COL4A6: variants seen among roughly 807,000 people sequenced by gnomAD.
COL4A6 encodes the protein collagen type IV alpha 6 chain.
A neutral mutation model predicts 126.7 loss-of-function variants in COL4A6; 59 were observed. The observed-to-expected ratio is 0.47, with a 90% CI of 0.38 to 0.58. The LOEUF (loss-of-function observed/expected upper bound fraction) is 0.58. Among genes scored for constraint, COL4A6 ranks in the 20% least tolerant of loss-of-function variants. The pLI is 0.00. For synonymous variants in COL4A6, 547 were observed against 496.6 expected (o/e 1.10, Z -1.35); for missense variants, 1,285 against 1,337.3 (o/e 0.96, Z 0.61).
intron 14 of COL4A6, among the ~76,000 whole-genome samples, chrX:108,195,910 C>G (rs1414854249): frequency 8.9e-6 from 1 of 111,940 alleles, no homozygotes; most frequent in Non-Finnish European, 1.9e-5. Context: ...CTTAACAACA[C>G]AATTCTCTAA....
At chrX:108,413,404 A>G (rs1294444101) in intron 2 of COL4A6, among the ~76,000 whole-genome samples, 4 of 111,887 alleles carry the variant, frequency 3.6e-5, no homozygotes, top group African/African-American at 1.3e-4. Flanking sequence ...AGGATCCAAA[A>G]GGAAAAGATA....
chrX:108,269,100 T>G (rs935082650), intron 3 of COL4A6: 17 of 338,748 alleles, frequency 5.0e-5, no homozygotes, highest in African/African-American at 4.5e-4. Context: ...AGGCAGAACC[T>G]CACTGAAATG....
chrX:108,205,338 C>T (rs1399982223), intron 11 of COL4A6, 101 bp downstream of exon 11: 12 of 707,999 alleles, frequency 1.7e-5, no homozygotes, highest in Admixed American at 4.9e-5. Flanking sequence ...TTTCCCAAGG[C>T]GAAAAAACAA....
At chrX:108,278,147 C>A (rs1213447206) in intron 3 of COL4A6, among the ~76,000 whole-genome samples, 8 of 112,119 alleles carry the variant, frequency 7.1e-5, no homozygotes, top group African/African-American at 2.6e-4. Flanking sequence ...ACGGAGAATG[C>A]CTTTGACGAG....
chrX:108,371,206 GT>G lies in COL4A6; in HGVS notation c.64-60379del, dbSNP rs748162636. Among the ~76,000 whole-genome samples the G allele has an allele frequency of 1.2e-4, 13 of 107,075 alleles. 1 individual carries two copies. In the Middle Eastern group the frequency reaches 0.019, roughly 158 times the overall value. 93.0% of individuals were successfully genotyped at this position (107,075 alleles called of 115,157 possible). On this transcript the variant is annotated intron_variant, in intron 2 of 44. Transcript: ENST00000334504. ...TCCTTTTTAAAATAACATCTATTGTGTTTTTTTTAATATAGAAAAGCATCAA... is the reference window on the plus strand; with the variant it reads ...TCCTTTTTAAAATAACATCTATTGTGTTTTTTTAATATAGAAAAGCATCAA...
At chrX:108,404,514 A>T (rs1259314923) in intron 2 of COL4A6, among the ~76,000 whole-genome samples, 1 of 111,849 alleles carries the variant, frequency 8.9e-6, no homozygotes, top group Admixed American at 9.5e-5. Context: ...ATCCTTTAGG[A>T]ATGCTAATTT....
chrX:108,359,477 C>A (rs770587886), intron 2 of COL4A6, among the ~76,000 whole-genome samples: 4 of 112,852 alleles, frequency 3.5e-5, no homozygotes, highest in Non-Finnish European at 5.6e-5. Flanking sequence ...ACTGTCTACA[C>A]TATTCCTGTA....
intron 18 of COL4A6, among the ~76,000 whole-genome samples, chrX:108,192,092 T>C (rs1355776598): frequency 8.9e-6 from 1 of 111,795 alleles, no homozygotes; most frequent in Non-Finnish European, 1.9e-5. Flanking sequence ...AGCAAGGTTC[T>C]GGGTACAAAT....
intron 5 of COL4A6, among the ~76,000 whole-genome samples, chrX:108,215,483 T>C (rs1008534031): frequency 1.2e-4 from 9 of 73,532 alleles, no homozygotes; most frequent in Admixed American, 5.7e-4. Flanking sequence ...TTGTTTGCCC[T>C]GAAGATCTAC....
intron 2 of COL4A6, among the ~76,000 whole-genome samples, chrX:108,371,570 T>G (rs1361321832): frequency 2.1e-5 from 2 of 94,558 alleles, no homozygotes; most frequent in Non-Finnish European, 4.1e-5. Flanking sequence ...ATACTCTGTC[T>G]CTATAAAAAA....
At chrX:108,175,260 G>C (rs1463873696) in intron 29 of COL4A6, 45 bp from the exon 30 acceptor site, 6 of 1,124,230 alleles carry the variant, frequency 5.3e-6, no homozygotes, top group Non-Finnish European at 7.0e-6. Context: ...TTAGACGCAG[G>C]GTCAGGCAAA....
chrX:108,359,319 C>T (rs1004525297), intron 2 of COL4A6, among the ~76,000 whole-genome samples: 2 of 112,428 alleles, frequency 1.8e-5, no homozygotes, highest in East Asian at 2.8e-4. Flanking sequence ...TAATCAGTGA[C>T]GGGAGCTAAG....
chrX:108,437,872 A>T lies in COL4A6; in HGVS notation c.63+70T>A, dbSNP rs2064296302. 11 of 1,138,494 alleles carry T rather than the reference A, an allele frequency of 9.7e-6. No homozygotes were observed. The South Asian group carries it at 1.8e-4, about 19-fold the overall frequency. 93.8% of individuals were successfully genotyped at this position (1,138,494 alleles called of 1,213,427 possible). A position where few individuals can be genotyped will look rare whatever the true frequency, so the allele number is the denominator to read the frequency against. On this transcript the variant is annotated intron_variant, in intron 2 of 44. Transcript: ENST00000334504. ...AAACTCTCTGCAACCCCCTAACATAAATACTAGAGATGGGGATGGTTAGAG... is the reference window on the plus strand; with the variant it reads ...AAACTCTCTGCAACCCCCTAACATATATACTAGAGATGGGGATGGTTAGAG...
intron 2 of COL4A6, among the ~76,000 whole-genome samples, chrX:108,431,875 A>T (rs749919017): frequency 2.7e-5 from 3 of 112,073 alleles, no homozygotes; most frequent in Non-Finnish European, 5.6e-5. Context: ...GTTGCGTTGG[A>T]CATCAGAAAT....
At chrX:108,171,569 G>C (rs2034305229) in intron 32 of COL4A6, 108 bp from the exon 33 acceptor site, 1 of 619,174 alleles carries the variant, frequency 1.6e-6, no homozygotes, top group Admixed American at 3.7e-5. Context: ...TGTAGCCAGA[G>C]GAGCTCCTTG....
intron 3 of COL4A6, among the ~76,000 whole-genome samples, chrX:108,244,552 C>A (rs766050940): frequency 5.4e-5 from 6 of 111,662 alleles, no homozygotes; most frequent in Non-Finnish European, 9.4e-5. Flanking sequence ...CATCATGGAA[C>A]TTTCACTGGG....
intron 2 of COL4A6, among the ~76,000 whole-genome samples, chrX:108,403,712 T>C (rs1026786900): frequency 6.3e-5 from 7 of 111,555 alleles, no homozygotes; most frequent in Non-Finnish European, 1.3e-4. Flanking sequence ...TTTCAACACA[T>C]CATACATAAA....
At chrX:108,329,447 G>A (rs1371832085) in intron 2 of COL4A6, among the ~76,000 whole-genome samples, 1 of 112,040 alleles carries the variant, frequency 8.9e-6, no homozygotes, top group Non-Finnish European at 1.9e-5. Context: ...ATACTCAAAT[G>A]TAAGGAAGCA....
chrX:108,406,114 C>T (rs2041201608), intron 2 of COL4A6, among the ~76,000 whole-genome samples: 1 of 111,246 alleles, frequency 9.0e-6, no homozygotes, highest in African/African-American at 3.3e-5. Context: ...ACTACAGGCA[C>T]ATGCCACAAT....
Sources: gnomAD v4.1 joint callset for allele counts (sites outside exome capture counted in the v4.1 genomes callset) on GRCh38, gnomAD v4.1.1 for gene constraint, MANE v1.5 for transcripts, NCBI Gene and HGNC (gene_info 2026-07-23, HGNC 2026-07-21) for gene names.